Variants in PTPRO observed in about 807,000 individuals in gnomAD.
The protein encoded by PTPRO is receptor-type tyrosine-protein phosphatase O.
PTPRO carries 62 observed loss-of-function variants against 145.2 expected under a neutral mutation model. The ratio of observed to expected loss-of-function variants is 0.43; its 90% confidence interval spans 0.35 to 0.53. The LOEUF (loss-of-function observed/expected upper bound fraction) is 0.53. PTPRO is among the 20% of genes least tolerant of loss of function. The probability of loss-of-function intolerance (pLI) is 0.01; values close to 1 mark genes in which losing one functional copy is unlikely to be tolerated. For synonymous variants in PTPRO, 565 were observed against 514.7 expected (o/e 1.10, Z -1.32); for missense variants, 1,345 against 1,482.7 (o/e 0.91, Z 1.53).
At chr12:15,519,013 C>G (rs1942656029) in intron 9 of PTPRO, among the ~76,000 whole-genome samples, 1 of 152,162 alleles carries the variant, frequency 6.6e-6, no homozygotes, top group Non-Finnish European at 1.5e-5. Flanking sequence ...TACCAATTTA[C>G]TGTATTCATT....
At chr12:15,493,436 A>G (rs1942039588) in intron 2 of PTPRO, among the ~76,000 whole-genome samples, 1 of 152,178 alleles carries the variant, frequency 6.6e-6, no homozygotes, top group Non-Finnish European at 1.5e-5. Flanking sequence ...AATATGGTAT[A>G]TGACAAAGAT....
rs575823925 is a variant in PTPRO, at chr12:15,328,898, A to T, written c.75+6097A>T. ...TTTTTGGTATATTTACTAGCAAATT[A>T]AAAGAATAGGAATGCAATTTATCTA... On this transcript the variant is annotated intron_variant, in intron 1 of 26. Coordinates refer to ENST00000281171, the MANE Select transcript of PTPRO (RefSeq NM_030667.3). 5.3e-5 allele frequency among the ~76,000 whole-genome samples: 8 copies of T among 152,344 alleles called. No individual in the cohort carries two copies. The South Asian group carries it at 1.7e-3, about 32-fold the overall frequency.
At chr12:15,420,044 G>A (rs988776242) in intron 1 of PTPRO, among the ~76,000 whole-genome samples, 1 of 150,768 alleles carries the variant, frequency 6.6e-6, no homozygotes, top group Non-Finnish European at 1.5e-5. Flanking sequence ...CTACTCGGGA[G>A]GCTGAGGCAG....
At chr12:15,414,364 T>C (rs1208247245) in intron 1 of PTPRO, among the ~76,000 whole-genome samples, 3 of 152,214 alleles carry the variant, frequency 2.0e-5, no homozygotes, top group African/African-American at 7.2e-5. Flanking sequence ...CCAGAAGCAT[T>C]CAAGATCCCA....
intron 19 of PTPRO, among the ~76,000 whole-genome samples, chr12:15,570,812 A>G (rs1240646582): frequency 3.9e-5 from 6 of 152,232 alleles, no homozygotes; most frequent in Non-Finnish European, 7.3e-5. Flanking sequence ...TATTAAAGCC[A>G]CATTTTCTTA....
chr12:15,471,304 T>C (rs1404721296), intron 1 of PTPRO, among the ~76,000 whole-genome samples: 1 of 152,030 alleles, frequency 6.6e-6, no homozygotes, highest in African/African-American at 2.4e-5. Context: ...CACTTGAGCC[T>C]GGGGAGTGGA....
intron 25 of PTPRO, among the ~76,000 whole-genome samples, chr12:15,592,276 AG>A (rs1312522230): frequency 5.3e-5 from 8 of 152,332 alleles, no homozygotes; most frequent in African/African-American, 1.7e-4. Context: ...AAGTAAAAAA[AG>A]GTTATTCTTT....
At chr12:15,462,070 C>T (rs188658182) in intron 1 of PTPRO, among the ~76,000 whole-genome samples, 2 of 152,134 alleles carry the variant, frequency 1.3e-5, no homozygotes, top group African/African-American at 4.8e-5. Context: ...ACTTTCCATC[C>T]CCTCTTGCCT....
At chr12:15,572,146 G>A (rs1944065862) in intron 19 of PTPRO, among the ~76,000 whole-genome samples, 1 of 152,110 alleles carries the variant, frequency 6.6e-6, no homozygotes, top group South Asian at 2.1e-4. Flanking sequence ...ATGAGTTTGG[G>A]GTGGGCTTGG....
At chr12:15,409,086 A>G (rs911006039) in intron 1 of PTPRO, among the ~76,000 whole-genome samples, 3 of 151,992 alleles carry the variant, frequency 2.0e-5, no homozygotes, top group Non-Finnish European at 4.4e-5. Context: ...TTAAAATAAT[A>G]TATTATTTTA....
At chr12:15,429,600 G>A (rs535436684) in intron 1 of PTPRO, among the ~76,000 whole-genome samples, 6 of 152,126 alleles carry the variant, frequency 3.9e-5, no homozygotes, top group South Asian at 4.2e-4. Flanking sequence ...CAAACAAGGA[G>A]GAAAACAGGA....
chr12:15,570,040 C>T (rs1944005920), intron 19 of PTPRO, among the ~76,000 whole-genome samples: 1 of 152,156 alleles, frequency 6.6e-6, no homozygotes, highest in Non-Finnish European at 1.5e-5. Context: ...TAAAGTTACA[C>T]ATGATTTGTG....
intron 12 of PTPRO, among the ~76,000 whole-genome samples, chr12:15,538,214 G>A (rs1269506830): frequency 1.4e-5 from 2 of 146,858 alleles, no homozygotes; most frequent in Admixed American, 1.4e-4. Context: ...ACTGCCCAGA[G>A]GCATACCAAA....
At chr12:15,343,486 A>G (rs2136219633) in intron 1 of PTPRO, among the ~76,000 whole-genome samples, 1 of 152,204 alleles carries the variant, frequency 6.6e-6, no homozygotes, top group African/African-American at 2.4e-5. Context: ...CAGGAATTCC[A>G]GAATAGTTTG....
intron 12 of PTPRO, among the ~76,000 whole-genome samples, chr12:15,543,424 G>A (rs1356320045): frequency 6.6e-6 from 1 of 152,180 alleles, no homozygotes; most frequent in Non-Finnish European, 1.5e-5. Flanking sequence ...AGCTCTTGCA[G>A]TAATTCATGA....
chr12:15,513,282 GGGAAGGAA>G (rs57220849), intron 7 of PTPRO, among the ~76,000 whole-genome samples: 12 of 133,330 alleles, frequency 9.0e-5, no homozygotes, highest in South Asian at 2.5e-4. Context: ...GAGGGAGGGA[GGGAAGGAA>G]GGAAGGAAGG....
chr12:15,387,318 T>G (rs1437075441), intron 1 of PTPRO, among the ~76,000 whole-genome samples: 1 of 146,412 alleles, frequency 6.8e-6, no homozygotes, highest in Non-Finnish European at 1.5e-5. Context: ...AAATAGTTAT[T>G]GTTAAAAGTC....
intron 23 of PTPRO, among the ~76,000 whole-genome samples, 198 bp downstream of exon 23, chr12:15,581,999 A>G (rs1253855051): frequency 6.6e-6 from 1 of 152,224 alleles, no homozygotes; most frequent in East Asian, 1.9e-4. Context: ...CCACATATTT[A>G]TTGACAGCAA....
chr12:15,488,673 G>A (rs953483811), intron 2 of PTPRO, among the ~76,000 whole-genome samples: 4 of 152,178 alleles, frequency 2.6e-5, no homozygotes, highest in Non-Finnish European at 5.9e-5. Context: ...TGGCCCCAGG[G>A]CAGTCCTTTG....
Sources: gnomAD v4.1 joint callset for allele counts (sites outside exome capture counted in the v4.1 genomes callset) on GRCh38, gnomAD v4.1.1 for gene constraint, MANE v1.5 for transcripts, NCBI Gene and HGNC (gene_info 2026-07-23, HGNC 2026-07-21) for gene names.